Variants in CNBD1 observed in about 807,000 individuals in gnomAD.
CNBD1 encodes the protein cyclic nucleotide binding domain containing 1.
Under a neutral mutation model 54.4 loss-of-function variants are expected in CNBD1, and 71 were observed. The observed-to-expected ratio is 1.30, with a 90% CI of 1.08 to 1.59. The LOEUF (loss-of-function observed/expected upper bound fraction) is 1.59, where lower values mean the gene tolerates loss of function less well. Among genes scored for constraint, CNBD1 ranks in the 40% most tolerant of loss-of-function variants. The probability of loss-of-function intolerance (pLI) is 0.00; values close to 1 mark genes in which losing one functional copy is unlikely to be tolerated. For synonymous variants in CNBD1, 182 were observed against 170.7 expected (o/e 1.07, Z -0.51); for missense variants, 659 against 518.0 (o/e 1.27, Z -2.64).
intron 4 of CNBD1, among the ~76,000 whole-genome samples, chr8:87,048,439 A>G (rs1411319876): frequency 6.6e-6 from 1 of 152,182 alleles, no homozygotes; most frequent in Non-Finnish European, 1.5e-5. Context: ...GTTTCTTGAG[A>G]GAGCTTCCTC....
chr8:87,323,236 T>C (rs1013784153), intron 8 of CNBD1, among the ~76,000 whole-genome samples: 13 of 110,710 alleles, frequency 1.2e-4, no homozygotes, highest in Admixed American at 5.4e-4. Context: ...AGTCAGGTAG[T>C]GTGATGCCTC....
At chr8:87,030,702 A>G (rs546308130) in intron 4 of CNBD1, among the ~76,000 whole-genome samples, 1 of 152,100 alleles carries the variant, frequency 6.6e-6, no homozygotes, top group Non-Finnish European at 1.5e-5. Flanking sequence ...TTGCTTCATT[A>G]TCTGAAGCAG....
At chr8:87,303,000 T>C (rs1019462735) in intron 8 of CNBD1, among the ~76,000 whole-genome samples, 6 of 151,666 alleles carry the variant, frequency 4.0e-5, no homozygotes, top group Non-Finnish European at 8.8e-5. Flanking sequence ...TACAAACAAA[T>C]GGAAGAACAT....
chr8:87,345,193 G>T (rs1470861926), intron 8 of CNBD1, among the ~76,000 whole-genome samples: 2 of 152,142 alleles, frequency 1.3e-5, no homozygotes, highest in Non-Finnish European at 2.9e-5. Flanking sequence ...TTATTGAAAT[G>T]AAGCATATAC....
At chr8:87,277,977 G>T (rs555342275) in intron 6 of CNBD1, among the ~76,000 whole-genome samples, 65 of 151,522 alleles carry the variant, frequency 4.3e-4, no homozygotes, top group Non-Finnish European at 4.0e-4. Context: ...GACAATGAAA[G>T]AAACTAGAAT....
intron 4 of CNBD1, among the ~76,000 whole-genome samples, chr8:87,205,369 A>T (rs1270910248): frequency 1.3e-5 from 2 of 152,156 alleles, no homozygotes; most frequent in African/African-American, 4.8e-5. Context: ...TATGACAGCT[A>T]GGTTAGTCCT....
At chr8:87,089,199 G>T (rs913640151) in intron 4 of CNBD1, among the ~76,000 whole-genome samples, 1 of 152,056 alleles carries the variant, frequency 6.6e-6, no homozygotes, top group African/African-American at 2.4e-5. Context: ...ATTGAAAAAA[G>T]GGTAATTTGA....
chr8:87,231,102 G>T (rs1032331902), intron 5 of CNBD1, among the ~76,000 whole-genome samples: 1 of 152,072 alleles, frequency 6.6e-6, no homozygotes, highest in African/African-American at 2.4e-5. Flanking sequence ...ATTCTCTTAT[G>T]AACAAGTAAC....
At chr8:87,335,085 C>T (rs1488604525) in intron 8 of CNBD1, among the ~76,000 whole-genome samples, 1 of 152,132 alleles carries the variant, frequency 6.6e-6, no homozygotes, top group Admixed American at 6.5e-5. Flanking sequence ...GTTATGATTT[C>T]AGTTCTTTTG....
intron 4 of CNBD1, among the ~76,000 whole-genome samples, chr8:86,985,981 A>G (rs562372395): frequency 6.6e-6 from 1 of 152,064 alleles, no homozygotes; most frequent in South Asian, 2.1e-4. Flanking sequence ...CCCAGGCTGG[A>G]GTGCTGTGGT....
chr8:86,952,608 CAT>C (rs952586011), intron 4 of CNBD1, among the ~76,000 whole-genome samples: 2 of 151,560 alleles, frequency 1.3e-5, no homozygotes, highest in African/African-American at 4.8e-5. Context: ...TCATATATAA[CAT>C]GTTATTAAAT....
intron 10 of CNBD1, among the ~76,000 whole-genome samples, chr8:87,358,923 A>C (rs1347056593): frequency 1.3e-5 from 2 of 152,274 alleles, no homozygotes; most frequent in East Asian, 3.9e-4. Context: ...TTTTTAATCT[A>C]TTCAGGCCCG....
intron 6 of CNBD1, among the ~76,000 whole-genome samples, chr8:87,263,614 T>A (rs777488781): frequency 3.6e-4 from 55 of 152,312 alleles, no homozygotes; most frequent in Admixed American, 8.5e-4. Context: ...CACAGTTCTG[T>A]TATTCTTCTA....
intron 5 of CNBD1, among the ~76,000 whole-genome samples, chr8:87,208,829 T>C (rs968124086): frequency 2.0e-5 from 3 of 152,124 alleles, no homozygotes; most frequent in Non-Finnish European, 4.4e-5. Flanking sequence ...TTTTATGAGA[T>C]TGTATCTCAA....
At chr8:87,358,703 A>T (rs897848230) in intron 10 of CNBD1, among the ~76,000 whole-genome samples, 2 of 152,196 alleles carry the variant, frequency 1.3e-5, no homozygotes, top group Non-Finnish European at 2.9e-5. Flanking sequence ...AGCCAGTGGT[A>T]TAATTCAGGT....
intron 8 of CNBD1, among the ~76,000 whole-genome samples, chr8:87,331,795 G>A (rs756474989): frequency 3.9e-5 from 6 of 152,084 alleles, no homozygotes; most frequent in Non-Finnish European, 8.8e-5. Flanking sequence ...GTTTTGATAT[G>A]CATTTCTCTA....
At chr8:87,383,670 G>T (rs1373441799), downstream of CNBD1, among the ~76,000 whole-genome samples, 3 of 152,034 alleles carry the variant, frequency 2.0e-5, no homozygotes, top group African/African-American at 7.2e-5. Context: ...CATTGGAGTT[G>T]CAATTCTCAA....
intron 6 of CNBD1, among the ~76,000 whole-genome samples, chr8:87,273,248 G>C (rs757055629): frequency 6.6e-6 from 1 of 151,766 alleles, no homozygotes; most frequent in East Asian, 1.9e-4. Context: ...ATATATATCT[G>C]GTTGAATTAA....
Position 87,128,416 on chromosome 8 carries a change from G to A in CNBD1, c.432-77577G>A, listed in dbSNP as rs555562854. Among the ~76,000 whole-genome samples, 20 of 152,262 alleles carry A rather than the reference G, an allele frequency of 1.3e-4. No individual in the cohort carries two copies. The East Asian group carries it at 3.7e-3, about 28-fold the overall frequency. Reference sequence around the variant, plus strand: ...CTGCATGCTCCCTCTCGTGAAGGGGGTTTGAGCAGGGCATGGTGGCTGAAC... The same window carrying A: ...CTGCATGCTCCCTCTCGTGAAGGGGATTTGAGCAGGGCATGGTGGCTGAAC... On this transcript the variant is annotated intron_variant, in intron 4 of 10. Transcript: ENST00000518476.
Sources: gnomAD v4.1 joint callset for allele counts (sites outside exome capture counted in the v4.1 genomes callset) on GRCh38, gnomAD v4.1.1 for gene constraint, MANE v1.5 for transcripts, NCBI Gene and HGNC (gene_info 2026-07-23, HGNC 2026-07-21) for gene names.